Variants in SLC25A17 observed in about 807,000 individuals in gnomAD.
SLC25A17 encodes peroxisomal membrane protein PMP34.
Under a neutral mutation model 38.5 loss-of-function variants are expected in SLC25A17, and 26 were observed. The observed-to-expected ratio is 0.68, with a 90% confidence interval of 0.50 to 0.94. The LOEUF (loss-of-function observed/expected upper bound fraction) is 0.94. Among genes scored for constraint, SLC25A17 ranks in the 40% least tolerant of loss-of-function variants. The pLI is 0.00. For synonymous variants in SLC25A17, 139 were observed against 136.2 expected (o/e 1.02, Z -0.14); for missense variants, 333 against 372.7 (o/e 0.89, Z 0.88).
chr22:40,771,845 CTA>C (rs903702603), intron 8 of SLC25A17, among the ~76,000 whole-genome samples: 2 of 152,050 alleles, frequency 1.3e-5, no homozygotes, highest in African/African-American at 4.8e-5. Context: ...TTAAAAATAA[CTA>C]AAAGAGTATA....
In SLC25A17 at chr22:40,795,417, G is replaced by A. The variant is rs116379640; in HGVS notation, c.116-837C>T. On this transcript the variant is annotated intron_variant, in intron 2 of 8. Transcript: ENST00000435456. ...ACGCCATTGTCCTGCCTCAACCACCGGAGTAGCTGGGACTACAGGCGCCCA... is the reference window on the plus strand; with the variant it reads ...ACGCCATTGTCCTGCCTCAACCACCAGAGTAGCTGGGACTACAGGCGCCCA... 3.9e-3 allele frequency among the ~76,000 whole-genome samples: 584 copies of A among 151,322 alleles called. 5 individuals are homozygous for A. Among genetic ancestry groups the A allele is most frequent in the African/African-American group, 0.014 (559 of 41,196 alleles).
At chr22:40,771,359 C>T (rs973764499) in intron 8 of SLC25A17, among the ~76,000 whole-genome samples, 3 of 152,228 alleles carry the variant, frequency 2.0e-5, no homozygotes, top group Non-Finnish European at 4.4e-5. Context: ...ATCTGCCCGC[C>T]TCAGCCTCCC....
Position 40,779,383 on chromosome 22 carries a change from A to C in SLC25A17, c.335-258T>G. On this transcript the variant is annotated intron_variant, in intron 4 of 8. Transcript: ENST00000435456. ...GAGCAATAAGTTCCCTCATTTGTACAACAGGCAATCTATTTGTCAATTTAT... is the reference window on the plus strand; with the variant it reads ...GAGCAATAAGTTCCCTCATTTGTACCACAGGCAATCTATTTGTCAATTTAT... The C allele has an allele frequency of 3.5e-6, 3 of 854,102 alleles. No individual in the cohort carries two copies. In the South Asian group the frequency reaches 6.0e-5, roughly 17 times the overall value. 52.9% of individuals were successfully genotyped at this position (854,102 alleles called of 1,614,324 possible).
intron 2 of SLC25A17, among the ~76,000 whole-genome samples, chr22:40,795,480 G>C (rs1333723923): frequency 1.3e-5 from 2 of 151,992 alleles, no homozygotes; most frequent in African/African-American, 4.8e-5. Context: ...TTGTAGTAGA[G>C]ACGGGGTTTC....
chr22:40,782,097 G>A (rs528096533), intron 4 of SLC25A17, among the ~76,000 whole-genome samples: 2 of 152,122 alleles, frequency 1.3e-5, no homozygotes, highest in African/African-American at 2.4e-5. Flanking sequence ...GCGGGCGCCT[G>A]TAGTCCCAGC....
chr22:40,798,383 CT>C, intron 2 of SLC25A17: 1 of 152,246 alleles, frequency 6.6e-6, no homozygotes, highest in Non-Finnish European at 1.5e-5. Context: ...TCCTCGGAAC[CT>C]TTTCCCCATC....
At chr22:40,771,592 G>A (rs1222149722) in intron 8 of SLC25A17, among the ~76,000 whole-genome samples, 1 of 152,126 alleles carries the variant, frequency 6.6e-6, no homozygotes, top group East Asian at 1.9e-4. Flanking sequence ...TCTGCTAAGT[G>A]AAACAAACCA....
chr22:40,776,910 A>T, intron 7 of SLC25A17, 130 bp downstream of exon 7: 1 of 808,724 alleles, frequency 1.2e-6, no homozygotes, highest in Non-Finnish European at 1.9e-6. Context: ...AGAAAAGAAA[A>T]AAAACAGATA....
At chr22:40,785,734 C>A (rs193147402) in intron 4 of SLC25A17, among the ~76,000 whole-genome samples, 29 of 152,064 alleles carry the variant, frequency 1.9e-4, no homozygotes, top group Middle Eastern at 6.8e-3. Context: ...TTCTAAGAGA[C>A]AGGGTCTCAC....
intron 4 of SLC25A17, among the ~76,000 whole-genome samples, chr22:40,787,234 C>T (rs1296359883): frequency 6.6e-6 from 1 of 152,164 alleles, no homozygotes; most frequent in African/African-American, 2.4e-5. Context: ...TGTTGTCAGA[C>T]AGACCACAGT....
At chr22:40,812,305 G>T (rs1007427094) in intron 1 of SLC25A17, among the ~76,000 whole-genome samples, 1 of 152,116 alleles carries the variant, frequency 6.6e-6, no homozygotes, top group East Asian at 1.9e-4. Flanking sequence ...AATATCTAAA[G>T]TATACTTTTT....
intron 4 of SLC25A17, among the ~76,000 whole-genome samples, chr22:40,790,273 G>A (rs1217913620): frequency 6.7e-6 from 1 of 149,164 alleles, no homozygotes; most frequent in African/African-American, 2.5e-5. Flanking sequence ...CCCAGGAGGT[G>A]GAGGTTGCAG....
In SLC25A17 at chr22:40,789,088, G is replaced by A. The variant is rs2057362830; in HGVS notation, c.334+3437C>T. On this transcript the variant is annotated intron_variant, in intron 4 of 8. Transcript: ENST00000435456. The surrounding 1 kb of genome is among the most constrained non-coding windows in gnomAD (Gnocchi z 4.5). ...CATCTTCTGACCATCTCTACTTCCA[G>A]CACTGGCCCAACCATAATAAATGCC... is the stretch of plus-strand genomic sequence containing the variant. The A allele has an allele frequency of 3.6e-6, 1 of 281,192 alleles. No homozygotes were observed. Among genetic ancestry groups the A allele is most frequent in the Non-Finnish European group, 7.3e-6 (1 of 137,224 alleles). The allele number at this position is 281,192 out of a possible 1,614,324, so 17.4% of individuals were successfully genotyped here. A position where few individuals can be genotyped will look rare whatever the true frequency, so the allele number is the denominator to read the frequency against.
At chr22:40,801,121 T>A (rs1450283532) in intron 1 of SLC25A17, among the ~76,000 whole-genome samples, 31 of 93,798 alleles carry the variant, frequency 3.3e-4, no homozygotes, top group Admixed American at 9.0e-4. Flanking sequence ...AAGAAAAAAA[T>A]ATATTACATA....
intron 8 of SLC25A17, among the ~76,000 whole-genome samples, chr22:40,772,729 C>T (rs557703518): frequency 3.9e-5 from 6 of 151,962 alleles, no homozygotes; most frequent in Non-Finnish European, 7.4e-5. Context: ...CTCAATCTGC[C>T]GGGCTCAAGT....
At chr22:40,803,637 T>C (rs913197087) in intron 1 of SLC25A17, among the ~76,000 whole-genome samples, 5 of 151,992 alleles carry the variant, frequency 3.3e-5, no homozygotes, top group African/African-American at 1.2e-4. Context: ...TTTGACACGC[T>C]GATTTCATTT....
At chr22:40,799,359 A>G (rs1054053546) in intron 1 of SLC25A17, among the ~76,000 whole-genome samples, 2 of 149,444 alleles carry the variant, frequency 1.3e-5, no homozygotes, top group Non-Finnish European at 3.0e-5. Flanking sequence ...GCTGGGAGTC[A>G]CAACTTTTTT....
intron 2 of SLC25A17, chr22:40,797,173 A>AT: frequency 4.0e-6 from 2 of 500,806 alleles, no homozygotes; most frequent in Non-Finnish European, 3.8e-6. Flanking sequence ...CTTTTTATAT[A>AT]TTTTGCCTGT....
chr22:40,792,814 A>G, intron 3 of SLC25A17, 138 bp from the exon 4 acceptor site: 1 of 677,596 alleles, frequency 1.5e-6, no homozygotes, highest in Non-Finnish European at 2.4e-6. Context: ...TCCAAACTGT[A>G]CACACACCTC....
Sources: allele counts gnomAD v4.1 joint callset (sites outside exome capture counted in the v4.1 genomes callset), GRCh38; gene constraint gnomAD v4.1.1; non-coding constraint Gnocchi (gnomAD v3.1); transcripts MANE v1.5; gene names NCBI Gene and HGNC (gene_info 2026-07-23, HGNC 2026-07-21).